Variants in ANKMY1 observed in about 807,000 individuals in gnomAD.
ANKMY1 encodes the protein ankyrin repeat and MYND domain-containing protein 1.
ANKMY1 carries 98 observed loss-of-function variants against 102.0 expected under a neutral mutation model. The observed-to-expected ratio is 0.96, with a 90% CI of 0.82 to 1.14. The LOEUF is 1.14. Among genes scored for constraint, ANKMY1 ranks in the 50% most tolerant of loss-of-function variants. The pLI is 0.00. For synonymous variants in ANKMY1, 582 were observed against 559.9 expected, an observed-to-expected ratio of 1.04 and a Z score of -0.56; for missense variants, 1,330 against 1,347.6, an observed-to-expected ratio of 0.99 and a Z score of 0.20.
At chr2:240,538,350 G>C (rs1163977269) in intron 4 of ANKMY1, among the ~76,000 whole-genome samples, 1 of 152,168 alleles carries the variant, frequency 6.6e-6, no homozygotes, top group Non-Finnish European at 1.5e-5. Flanking sequence ...GGGTGGGCGT[G>C]GGCTCGGGGG....
Position 240,557,354 on chromosome 2 carries a change from T to G in ANKMY1, c.-17-2A>C. ...CTTCCATGTCTGTGGTCTTCCAACC[T>G]GCAAGCGACGTCAGGACCGCACATG... On this transcript the variant is annotated splice_acceptor_variant, in intron 1 of 17. Coordinates refer to ENST00000401804, the MANE Select transcript of ANKMY1 (RefSeq NM_001282771.3). LOFTEE classifies it low-confidence loss of function (5UTR_SPLICE). 4 of 1,501,348 alleles carry G rather than the reference T, an allele frequency of 2.7e-6. No individual in the cohort carries two copies. The highest frequency in any genetic ancestry group is 3.6e-6 in the Non-Finnish European group (4 of 1,116,032). The allele number at this position is 1,501,348 out of a possible 1,614,324, so 93.0% of individuals were successfully genotyped here. A position where few individuals can be genotyped will look rare whatever the true frequency, so the allele number is the denominator to read the frequency against.
chr2:240,513,923 T>C (rs767765138), intron 9 of ANKMY1, among the ~76,000 whole-genome samples: 3 of 152,336 alleles, frequency 2.0e-5, no homozygotes, highest in East Asian at 1.9e-4. Context: ...AGGCCGGTGC[T>C]GCAGGCAACA....
chr2:240,506,583 C>T lies in ANKMY1; in HGVS notation c.2526+977G>A, dbSNP rs79651753. Among the ~76,000 whole-genome samples, 13,355 of 152,090 alleles carry T rather than the reference C, an allele frequency of 0.088. 716 individuals are homozygous for T. The highest frequency in any genetic ancestry group is 0.11 in the Non-Finnish European group (7,764 of 67,960). ...TTGTGACGTCAAACAACCTTCCAGA[C>T]GCCTGAGTCTCGCCCTTCCCCTTCC... On this transcript the variant is annotated intron_variant, in intron 13 of 17. Transcript: ENST00000401804. This position sits in a 1 kb window ranked among gnomAD's most constrained non-coding sequence, Gnocchi z 4.9.
chr2:240,529,456 A>C lies in ANKMY1; in HGVS notation c.534T>G (p.Asp178Glu). 1 of 1,614,090 alleles carries C rather than the reference A, an allele frequency of 6.2e-7. No homozygotes were observed. The highest frequency in any genetic ancestry group is 1.1e-5 in the South Asian group (1 of 91,084). The change falls in exon 5 of 18, where the codon GAT (aspartate) becomes GAG (glutamate). Residue 178 changes from aspartate (D) to glutamate (E), a missense_variant. Coordinates refer to ENST00000401804, the MANE Select transcript of ANKMY1 (RefSeq NM_001282771.3). The surrounding 1 kb of genome is among the most constrained non-coding windows in gnomAD (Gnocchi z 4.2). ...ACCACAGCCCCACGTCCTGGCTGCC[A>C]TCGGGGTAGGTCTCGACACCTGGCC... The part of the protein sequence containing the change: ...RFGPGVETYP[D>E]GSQDVGLWFR...
At chr2:240,536,510 G>A (rs2086782201) in intron 4 of ANKMY1, among the ~76,000 whole-genome samples, 1 of 152,172 alleles carries the variant, frequency 6.6e-6, no homozygotes, top group Non-Finnish European at 1.5e-5. Flanking sequence ...GCCACTGCAT[G>A]ACTACTAGAG....
intron 4 of ANKMY1, chr2:240,552,622 A>C (rs2091713694): frequency 5.1e-6 from 2 of 393,136 alleles, no homozygotes; most frequent in Non-Finnish European, 9.5e-6. Flanking sequence ...GGCACATTTC[A>C]AACATTATGT....
intron 13 of ANKMY1, among the ~76,000 whole-genome samples, chr2:240,503,174 G>A (rs10180897): frequency 0.59 from 89,024 of 152,136 alleles, 26,901 homozygotes; most frequent in East Asian, 0.77. Context: ...CCAGCCCAGC[G>A]TGTGTCTCTG....
At chr2:240,515,946 T>G (rs187103242) in intron 9 of ANKMY1, among the ~76,000 whole-genome samples, 2,624 of 151,572 alleles carry the variant, frequency 0.017, 74 homozygotes, top group African/African-American at 0.06. Context: ...GGATGGTCTC[T>G]ATCTCCTGAC....
chr2:240,535,566 C>A (rs1428561218), intron 4 of ANKMY1, among the ~76,000 whole-genome samples: 1 of 152,090 alleles, frequency 6.6e-6, no homozygotes, highest in Admixed American at 6.5e-5. Flanking sequence ...CTTTGCAGGG[C>A]AATTTCAAGG....
In ANKMY1 at chr2:240,511,912, C is replaced by T. The variant is rs779402768; in HGVS notation, c.2235G>A (p.Glu745=). The change falls in exon 11 of 18, where the codon GAG becomes GAA. Residue 745 remains glutamate, a synonymous_variant. Coordinates refer to ENST00000401804, the MANE Select transcript of ANKMY1 (RefSeq NM_001282771.3). ...CCATGTGCAGAGCCGTCCTGCCCCC[C>T]TCCTCCGGGAGGGCTGTGTCCGTGC... ...YYSTDTALPE[E]GGRTALHMAC... 2 of 1,584,234 alleles carry T rather than the reference C, an allele frequency of 1.3e-6. No individual in the cohort carries two copies. The highest frequency in any genetic ancestry group is 2.4e-5 in the East Asian group (1 of 41,756).
In ANKMY1 at chr2:240,526,289, G is replaced by T; in HGVS notation, c.1110C>A (p.Asp370Glu). ...CCGCCACGTCAGCACTAGCAAAGTT[G>T]TCCTTCAGGATCCTACAAATCCATT... ...NHEWICRILKDNFASADVADA... is the reference protein window; with the variant it reads ...NHEWICRILKENFASADVADA... The change falls in exon 6 of 18, where the codon GAC becomes GAA. Residue 370 changes from aspartate (D) to glutamate (E), a missense_variant. Coordinates refer to ENST00000401804, the MANE Select transcript of ANKMY1 (RefSeq NM_001282771.3). The T allele has an allele frequency of 6.2e-7, 1 of 1,614,186 alleles. No individual in the cohort carries two copies. The highest frequency in any genetic ancestry group is 8.5e-7 in the Non-Finnish European group (1 of 1,180,034).
chr2:240,501,327 G>A (rs891172296), intron 13 of ANKMY1, among the ~76,000 whole-genome samples: 1 of 152,206 alleles, frequency 6.6e-6, no homozygotes. Context: ...ATGCACCTAT[G>A]TGCATGTGTG....
intron 4 of ANKMY1, among the ~76,000 whole-genome samples, chr2:240,536,423 G>A (rs2086759839): frequency 1.3e-5 from 2 of 152,144 alleles, no homozygotes; most frequent in African/African-American, 2.4e-5. Flanking sequence ...GAGGAAAAAC[G>A]GAGGGCACAG....
chr2:240,543,946 T>C (rs1369338625), intron 4 of ANKMY1, among the ~76,000 whole-genome samples: 1 of 152,190 alleles, frequency 6.6e-6, no homozygotes, highest in African/African-American at 2.4e-5. Flanking sequence ...TTCACTAAAA[T>C]GTAAGGTTAC....
chr2:240,521,317 C>T (rs909279778), intron 8 of ANKMY1, among the ~76,000 whole-genome samples: 3 of 152,088 alleles, frequency 2.0e-5, no homozygotes, highest in Non-Finnish European at 4.4e-5. Flanking sequence ...TCTCCAGACC[C>T]TGACCACTCG....
chr2:240,479,823 G>C (rs1178749970), intron 17 of ANKMY1, among the ~76,000 whole-genome samples, 168 bp from the exon 18 acceptor site: 7 of 152,126 alleles, frequency 4.6e-5, no homozygotes, highest in East Asian at 1.9e-4. Context: ...GCTATCTGCC[G>C]TGACTCTTCA....
chr2:240,541,738 G>A (rs528841012), intron 4 of ANKMY1, among the ~76,000 whole-genome samples: 34 of 151,876 alleles, frequency 2.2e-4, no homozygotes, highest in African/African-American at 4.8e-4. Context: ...TCCTGACCTC[G>A]TGATCCACCT....
intron 11 of ANKMY1, among the ~76,000 whole-genome samples, chr2:240,510,225 TC>T (rs1326804902): frequency 2.5e-5 from 2 of 79,326 alleles, no homozygotes; most frequent in South Asian, 5.1e-4. Flanking sequence ...CCTCCCTGCC[TC>T]CCTGCCCTCC....
rs776995186 is a variant in ANKMY1, at chr2:240,526,337, T to C, written c.1062A>G (p.Leu354=). ...PKEQLSMEMI[L]KAEEGNHEWI... ...ATTCGTGGTTCCCTTCCTCAGCCTT[T>C]AGGATCATCTCCATGGAAAGTTGCT... is the stretch of plus-strand genomic sequence containing the variant. The change falls in exon 6 of 18, where the codon CTA becomes CTG. Residue 354 remains leucine, a synonymous_variant. Transcript: ENST00000401804. 2 of 1,614,116 alleles carry C rather than the reference T, an allele frequency of 1.2e-6. No homozygotes were observed. Among genetic ancestry groups the C allele is most frequent in the African/African-American group, 2.7e-5 (2 of 74,950 alleles).
Sources: allele counts gnomAD v4.1 joint callset (sites outside exome capture counted in the v4.1 genomes callset), GRCh38; gene constraint gnomAD v4.1.1; non-coding constraint Gnocchi (gnomAD v3.1); transcripts MANE v1.5; gene names NCBI Gene and HGNC (gene_info 2026-07-23, HGNC 2026-07-21).